The following MRPL14 variants were observed in gnomAD, a reference collection of about 807,000 sequenced individuals.
The protein encoded by MRPL14 is mitochondrial ribosomal protein L14, also known as large ribosomal subunit protein uL14m.
In MRPL14, 8 loss-of-function variants were observed where a neutral mutation model predicts 10.9. The observed-to-expected ratio is 0.74, with a 90% CI of 0.43 to 1.33. The LOEUF (loss-of-function observed/expected upper bound fraction) is 1.33, where lower values mean the gene tolerates loss of function less well. MRPL14 is among the 40% of genes most tolerant of loss of function. The probability of loss-of-function intolerance (pLI) is 0.01; values close to 1 mark genes in which losing one functional copy is unlikely to be tolerated. For missense variants in MRPL14, 179 were observed against 194.5 expected, an observed-to-expected ratio of 0.92 and a Z score of 0.47; for synonymous variants, 82 against 74.1, an observed-to-expected ratio of 1.11 and a Z score of -0.54.
At chr6:44,121,107 C>A (rs186262685) in intron 1 of MRPL14, among the ~76,000 whole-genome samples, 7 of 152,258 alleles carry the variant, frequency 4.6e-5, no homozygotes, top group Non-Finnish European at 4.4e-5. Flanking sequence ...TGGACACAGA[C>A]CCTGAATCAC....
intron 1 of MRPL14, among the ~76,000 whole-genome samples, chr6:44,124,885 C>A (rs1377266965): frequency 6.6e-6 from 1 of 152,182 alleles, no homozygotes; most frequent in Non-Finnish European, 1.5e-5. Context: ...ACCCCCCCTA[C>A]AGCCCTAAGA....
At position 44,116,579 on chromosome 6, in the gene MRPL14, G is replaced by A. The variant is rs1775871349; in HGVS notation, c.33C>T (p.Phe11=). Residue 11 remains phenylalanine (F), a synonymous_variant, in exon 2 of 3, where the codon TTC becomes TTT. Coordinates refer to ENST00000372014, the MANE Select transcript of MRPL14 (RefSeq NM_032111.4). The part of the protein sequence containing the change: MAFFTGLWGP[F]TCVSRVLSHH... ...GGCTCAGCACTCTGCTTACACAGGT[G>A]AAGGGGCCCCAGAGCCCAGTAAAGA... The A allele has an allele frequency of 1.2e-6, 2 of 1,614,074 alleles. No individual in the cohort carries two copies. The highest frequency in any genetic ancestry group is 2.7e-5 in the African/African-American group (2 of 74,934).
At chr6:44,123,552 A>G (rs1448116810) in intron 1 of MRPL14, among the ~76,000 whole-genome samples, 2 of 152,246 alleles carry the variant, frequency 1.3e-5, no homozygotes, top group Non-Finnish European at 1.5e-5. Context: ...TCACAGCAGC[A>G]CTATCAATAA....
intron 1 of MRPL14, among the ~76,000 whole-genome samples, chr6:44,121,627 ACT>A (rs1233349334): frequency 6.6e-6 from 1 of 152,090 alleles, no homozygotes; most frequent in Non-Finnish European, 1.5e-5. Context: ...CAGCTTAGTG[ACT>A]CTCTGTTAGG....
chr6:44,123,008 G>T (rs1190093736), intron 1 of MRPL14, among the ~76,000 whole-genome samples: 2 of 152,180 alleles, frequency 1.3e-5, no homozygotes, highest in Non-Finnish European at 2.9e-5. Context: ...AGTTTGGTGT[G>T]TGCGTGGTTT....
At chr6:44,124,101 T>C (rs1269795771) in intron 1 of MRPL14, among the ~76,000 whole-genome samples, 1 of 152,196 alleles carries the variant, frequency 6.6e-6, no homozygotes, top group African/African-American at 2.4e-5. Context: ...TACTGAATCA[T>C]ATACATAATT....
chr6:44,121,481 G>C (rs996044780), intron 1 of MRPL14, among the ~76,000 whole-genome samples: 2 of 152,194 alleles, frequency 1.3e-5, no homozygotes, highest in Admixed American at 6.5e-5. Flanking sequence ...GAGGACTATG[G>C]ATTTCAATGG....
rs55852422 is a variant in MRPL14, at chr6:44,126,438, A to G, written c.-19+906T>C. Among the ~76,000 whole-genome samples the G allele has an allele frequency of 9.6e-3, 1,459 of 152,320 alleles. 27 individuals carry two copies. The highest frequency in any genetic ancestry group is 0.033 in the African/African-American group (1,382 of 41,546). On this transcript the variant is annotated intron_variant, in intron 1 of 2. Transcript: ENST00000372014. The stretch of plus-strand genomic sequence containing the variant: ...AACTCTTGAAAATCCAGCATACAGC[A>G]GAGACGCTGACCAACTACAAGATCC...
At chr6:44,126,983 G>C (rs1562105299) in intron 1 of MRPL14, 1 of 152,290 alleles carries the variant, frequency 6.6e-6, no homozygotes, top group African/African-American at 2.4e-5. Flanking sequence ...GCGGAAAGCG[G>C]AGAAGCCGGA....
chr6:44,122,090 T>G (rs1776492899), intron 1 of MRPL14, among the ~76,000 whole-genome samples: 1 of 107,948 alleles, frequency 9.3e-6, no homozygotes, highest in African/African-American at 3.5e-5. Context: ...CCCCCCCCTC[T>G]TTTTTTTTTG....
intron 1 of MRPL14, among the ~76,000 whole-genome samples, chr6:44,120,504 CTT>C (rs1776292543): frequency 6.6e-6 from 1 of 152,234 alleles, no homozygotes; most frequent in Non-Finnish European, 1.5e-5. Flanking sequence ...AATTCAGTGA[CTT>C]TTCACTAGCT....
At chr6:44,118,295 G>A (rs757438654) in intron 1 of MRPL14, among the ~76,000 whole-genome samples, 2 of 152,144 alleles carry the variant, frequency 1.3e-5, no homozygotes, top group African/African-American at 4.8e-5. Flanking sequence ...GTAGTTATGA[G>A]GATTCAATTA....
In MRPL14 at chr6:44,116,621, A is replaced by C; in HGVS notation, c.-10T>G. The C allele has an allele frequency of 1.2e-6, 2 of 1,613,798 alleles. No individual in the cohort carries two copies. Among genetic ancestry groups the C allele is most frequent in the Non-Finnish European group, 1.7e-6 (2 of 1,179,684 alleles). On this transcript the variant is annotated 5_prime_UTR_variant, in exon 2 of 3. Transcript: ENST00000372014. ...CAGTAAAGAAAGCCATGGGATCCCA[A>C]GATAGATCCTGCAGGAAAAACGAGA...
At chr6:44,121,464 G>A (rs542090676) in intron 1 of MRPL14, among the ~76,000 whole-genome samples, 36 of 152,224 alleles carry the variant, frequency 2.4e-4, no homozygotes, top group Non-Finnish European at 4.9e-4. Flanking sequence ...CAGTTGTAGA[G>A]GCAAGGGAGG....
chr6:44,114,297 G>A, intron 2 of MRPL14, 88 bp from the exon 3 acceptor site: 2 of 1,446,926 alleles, frequency 1.4e-6, no homozygotes, highest in Admixed American at 4.3e-5. Flanking sequence ...TAGGGAGAAT[G>A]TACATGTCAG....
intron 1 of MRPL14, 173 bp downstream of exon 1, chr6:44,127,171 C>CCCCTCCCCGTCGGGACCCCT (rs1777225263): frequency 8.8e-6 from 1 of 113,306 alleles, no homozygotes; most frequent in South Asian, 2.6e-4. Flanking sequence ...CGTCGGGACC[C>CCCCTCCCCGTCGGGACCCCT]CCCTCCCCGT....
chr6:44,116,430 C>G (rs1465319691), intron 2 of MRPL14, 111 bp downstream of exon 2: 6 of 1,103,388 alleles, frequency 5.4e-6, no homozygotes, highest in Non-Finnish European at 8.2e-6. Flanking sequence ...TTTCCCCAAC[C>G]CCATGCCCAC....
intron 1 of MRPL14, among the ~76,000 whole-genome samples, chr6:44,120,422 C>T (rs147819365): frequency 1.5e-3 from 226 of 152,258 alleles, no homozygotes; most frequent in African/African-American, 5.1e-3. Flanking sequence ...ACACAGACTT[C>T]GATGGTAAGG....
intron 1 of MRPL14, among the ~76,000 whole-genome samples, chr6:44,126,169 C>T (rs1777012514): frequency 6.6e-6 from 1 of 152,188 alleles, no homozygotes; most frequent in South Asian, 2.1e-4. Flanking sequence ...CAGGAGACAA[C>T]GCTTTTCAAA....
Sources: allele counts gnomAD v4.1 joint callset (sites outside exome capture counted in the v4.1 genomes callset), GRCh38; gene constraint gnomAD v4.1.1; transcripts MANE v1.5; gene names NCBI Gene and HGNC (gene_info 2026-07-23, HGNC 2026-07-21).